The following MINAR1 variants were observed in gnomAD, a reference collection of about 807,000 sequenced individuals.
The protein encoded by MINAR1 is major intrinsically disordered Notch2-binding receptor 1.
Under a neutral mutation model 65.1 loss-of-function variants are expected in MINAR1, and 40 were observed. That is an observed-to-expected ratio of 0.61 (90% confidence interval 0.48 to 0.80). The LOEUF is 0.80. MINAR1 is among the 30% of genes least tolerant of loss of function. MINAR1 has a pLI of 0.00. For missense variants in MINAR1, 1,128 were observed against 1,148.0 expected (o/e 0.98, Z 0.25); for synonymous variants, 482 against 449.1 (o/e 1.07, Z -0.93).
intron 1 of MINAR1, among the ~76,000 whole-genome samples, chr15:79,452,477 T>G (rs1400740675): frequency 6.7e-6 from 1 of 149,616 alleles, no homozygotes; most frequent in African/African-American, 2.5e-5. Context: ...TGTGAAGCTG[T>G]GTGTGGATTT....
chr15:79,434,694 C>T (rs1283244042), intron 1 of MINAR1, among the ~76,000 whole-genome samples: 1 of 152,220 alleles, frequency 6.6e-6, no homozygotes, highest in Non-Finnish European at 1.5e-5. Flanking sequence ...TAGCTTTTCC[C>T]ACTGACAGAC....
Position 79,456,924 on chromosome 15 carries a change from C to T in MINAR1, c.777C>T (p.Ile259=). ...VVQSCVQKRN[I]FKEDFHNLMA... is the part of the protein sequence containing the mutation. ...AGTCCTGTGTCCAGAAAAGGAATAT[C>T]TTCAAAGAGGATTTTCACAATTTGA... The change falls in exon 2 of 4, where the codon ATC becomes ATT. Residue 259 remains isoleucine (I), a synonymous_variant. Coordinates refer to ENST00000305428, the MANE Select transcript of MINAR1 (RefSeq NM_015206.3). 6.2e-7 allele frequency: 1 copy of T among 1,614,162 alleles called. No homozygotes were observed. Among genetic ancestry groups the T allele is most frequent in the Non-Finnish European group, 8.5e-7 (1 of 1,180,022 alleles).
intron 1 of MINAR1, among the ~76,000 whole-genome samples, chr15:79,454,151 G>A (rs555943691): frequency 3.3e-5 from 5 of 152,200 alleles, no homozygotes; most frequent in African/African-American, 7.2e-5. Context: ...AGGCTGGGGC[G>A]GGGTGGGAAG....
At chr15:79,427,655 A>C (rs1169563840), upstream of MINAR1, among the ~76,000 whole-genome samples, 1 of 152,238 alleles carries the variant, frequency 6.6e-6, no homozygotes, top group Non-Finnish European at 1.5e-5. Flanking sequence ...TTCCCTAGGA[A>C]GTGAAGTAGA....
chr15:79,413,054 G>GA, the MINAR1 span: 29 of 150,398 alleles, frequency 1.9e-4, no homozygotes, highest in South Asian at 1.3e-3. Context: ...GGATACAAGA[G>GA]AAAAAAAAAC....
At chr15:79,444,426 A>C (rs1247058653) in intron 1 of MINAR1, among the ~76,000 whole-genome samples, 3 of 151,972 alleles carry the variant, frequency 2.0e-5, no homozygotes, top group Non-Finnish European at 1.5e-5. Flanking sequence ...TTTGTTTTCT[A>C]CTTCACTAAT....
chr15:79,424,363 G>C, the MINAR1 span: 6 of 152,294 alleles, frequency 3.9e-5, no homozygotes, highest in East Asian at 9.6e-4. Context: ...TATTATTTAG[G>C]TATGCTGAAT....
chr15:79,463,395 C>A, intron 3 of MINAR1, 74 bp downstream of exon 3: 1 of 1,552,022 alleles, frequency 6.4e-7, no homozygotes. Flanking sequence ...GGATCACGGA[C>A]GGCTTAGACC....
At chr15:79,423,620 A>G in the MINAR1 span, 1 of 152,244 alleles carries the variant, frequency 6.6e-6, no homozygotes, top group Non-Finnish European at 1.5e-5. Context: ...CCCAGTGGAC[A>G]GTGAGACTTT....
In MINAR1 at chr15:79,458,223, A is replaced by C. The variant is rs781347392; in HGVS notation, c.2076A>C (p.Glu692Asp). The change falls in exon 2 of 4, where the codon GAA (glutamate) becomes GAC (aspartate). Residue 692 changes from glutamate (E) to aspartate (D), a missense_variant. Coordinates refer to ENST00000305428, the MANE Select transcript of MINAR1 (RefSeq NM_015206.3). ...CCSDASGSNS[E>D]SLRVKALKKS... ...CTGATGCTAGCGGGAGCAACAGTGAAAGCCTGCGGGTCAAGGCCTTAAAAA... is the reference window on the plus strand; with the variant it reads ...CTGATGCTAGCGGGAGCAACAGTGACAGCCTGCGGGTCAAGGCCTTAAAAA... The C allele has an allele frequency of 3.7e-6, 6 of 1,613,988 alleles. No individual in the cohort carries two copies. In the African/African-American group the frequency reaches 4.0e-5, roughly 11 times the overall value.
upstream of MINAR1, among the ~76,000 whole-genome samples, chr15:79,428,217 CCTTT>C (rs1484106389): frequency 3.4e-5 from 4 of 118,812 alleles, no homozygotes; most frequent in Non-Finnish European, 6.8e-5. Context: ...TTCTTTCCTT[CCTTT>C]ATTCCCCCTC....
intron 1 of MINAR1, among the ~76,000 whole-genome samples, chr15:79,443,572 GT>G (rs925079882): frequency 6.6e-5 from 10 of 151,664 alleles, no homozygotes; most frequent in East Asian, 1.9e-4. Context: ...TCTATTTGAG[GT>G]TTTTTTTCCA....
At chr15:79,459,177 A>C (rs1567060004) in intron 2 of MINAR1, among the ~76,000 whole-genome samples, 1 of 152,046 alleles carries the variant, frequency 6.6e-6, no homozygotes. Flanking sequence ...AGACTGTCTC[A>C]AGAAAAAAAA....
chr15:79,412,784 C>T, the MINAR1 span: 11 of 152,614 alleles, frequency 7.2e-5, no homozygotes, highest in African/African-American at 2.2e-4. Flanking sequence ...TGCCACTGCC[C>T]TACAAAATGC....
chr15:79,452,820 A>AC lies in MINAR1; in HGVS notation c.-50-3278_-50-3277insC, dbSNP rs551505668. Among the ~76,000 whole-genome samples, 322 of 130,262 alleles carry AC rather than the reference A, an allele frequency of 2.5e-3. 2 individuals are homozygous for AC. The highest frequency in any genetic ancestry group is 9.2e-3 in the African/African-American group (316 of 34,364). 85.5% of individuals were successfully genotyped at this position (130,262 alleles called of 152,430 possible). ...CTAAGTGTGAAGCTCTGTGGGTGTG[A>AC]AGCTGTCAGTGTGTCTGCATGTGAG... On this transcript the variant is annotated intron_variant, in intron 1 of 3. Transcript: ENST00000305428.
intron 1 of MINAR1, among the ~76,000 whole-genome samples, chr15:79,452,431 T>C (rs1399511525): frequency 6.6e-6 from 1 of 151,862 alleles, no homozygotes; most frequent in Non-Finnish European, 1.5e-5. Context: ...AGTGTGTGGG[T>C]GAGTCTGTGT....
At chr15:79,429,699 C>G (rs1894395217), upstream of MINAR1, among the ~76,000 whole-genome samples, 1 of 152,228 alleles carries the variant, frequency 6.6e-6, no homozygotes, top group African/African-American at 2.4e-5. Context: ...CATCCCCCAG[C>G]CCCTGCAAAC....
chr15:79,428,313 TC>T (rs2141269740), upstream of MINAR1, among the ~76,000 whole-genome samples: 1 of 118,702 alleles, frequency 8.4e-6, no homozygotes, highest in East Asian at 3.0e-4. Flanking sequence ...TTCTCTCCCT[TC>T]CTTCCTCCCT....
intron 1 of MINAR1, among the ~76,000 whole-genome samples, chr15:79,452,368 A>G (rs921445449): frequency 2.0e-5 from 3 of 150,066 alleles, no homozygotes; most frequent in African/African-American, 4.9e-5. Flanking sequence ...GTCTGGGTAT[A>G]TGTATGTCCC....
Sources: gnomAD v4.1 joint callset for allele counts (sites outside exome capture counted in the v4.1 genomes callset) on GRCh38, gnomAD v4.1.1 for gene constraint, MANE v1.5 for transcripts, NCBI Gene and HGNC (gene_info 2026-07-23, HGNC 2026-07-21) for gene names.